Variants in HS3ST2 observed in about 807,000 individuals in gnomAD.
HS3ST2 encodes the protein heparan sulfate glucosamine 3-O-sulfotransferase 2.
Under a neutral mutation model 26.3 loss-of-function variants are expected in HS3ST2, and 17 were observed. The observed-to-expected ratio is 0.65, with a 90% CI of 0.44 to 0.97. The LOEUF is 0.97. Ranked by LOEUF, HS3ST2 falls within the 50% of genes least tolerant of loss-of-function variation. The pLI, the probability that HS3ST2 is intolerant of heterozygous loss-of-function variation, is 0.00. For synonymous variants in HS3ST2, 237 were observed against 219.2 expected (o/e 1.08, Z -0.72); for missense variants, 402 against 501.2 (o/e 0.80, Z 1.89).
intron 1 of HS3ST2, among the ~76,000 whole-genome samples, chr16:22,858,986 C>A (rs183668693): frequency 6.6e-6 from 1 of 152,000 alleles, no homozygotes; most frequent in African/African-American, 2.4e-5. Flanking sequence ...GACAACAGAG[C>A]GAGACCCTGT....
intron 1 of HS3ST2, among the ~76,000 whole-genome samples, chr16:22,889,852 G>A (rs1448760858): frequency 2.0e-5 from 3 of 152,200 alleles, no homozygotes; most frequent in African/African-American, 4.8e-5. Flanking sequence ...TGAGATGGGA[G>A]AGTTTGGGAA....
intron 1 of HS3ST2, among the ~76,000 whole-genome samples, chr16:22,883,632 C>T (rs1016161128): frequency 7.2e-5 from 11 of 152,154 alleles, no homozygotes; most frequent in African/African-American, 2.2e-4. Flanking sequence ...AAATATTACA[C>T]GATGGCTAAA....
intron 1 of HS3ST2, among the ~76,000 whole-genome samples, chr16:22,871,086 A>G (rs146368572): frequency 2.7e-4 from 41 of 152,288 alleles, no homozygotes; most frequent in African/African-American, 9.4e-4. Flanking sequence ...GGCCGGGCGC[A>G]GTGGCTCATG....
chr16:22,896,238 CCATCACT>C (rs918970822), intron 1 of HS3ST2, among the ~76,000 whole-genome samples: 37 of 152,326 alleles, frequency 2.4e-4, no homozygotes, highest in African/African-American at 7.7e-4. Context: ...CTTTTCCACA[CCATCACT>C]CAGAATGTTG....
At chr16:22,898,678 A>G (rs1357073200) in intron 1 of HS3ST2, among the ~76,000 whole-genome samples, 1 of 152,200 alleles carries the variant, frequency 6.6e-6, no homozygotes, top group African/African-American at 2.4e-5. Flanking sequence ...AAGCCTAGAA[A>G]AGAACTCACA....
In HS3ST2 at chr16:22,909,148, C is replaced by G. The variant is rs151214958; in HGVS notation, c.486-5796C>G. 9.2e-5 allele frequency among the ~76,000 whole-genome samples: 14 copies of G among 152,276 alleles called. No individual in the cohort carries two copies. In the East Asian group the frequency reaches 2.7e-3, roughly 29 times the overall value. The stretch of plus-strand genomic sequence containing the variant: ...TTGTAACACAATTGGTTCCTAATAG[C>G]CTAACTTTGGACATGCATCCCCACC... On this transcript the variant is annotated intron_variant, in intron 1 of 1. Transcript: ENST00000261374.
At chr16:22,839,129 C>T (rs1901315893) in intron 1 of HS3ST2, among the ~76,000 whole-genome samples, 1 of 152,194 alleles carries the variant, frequency 6.6e-6, no homozygotes, top group Non-Finnish European at 1.5e-5. Context: ...CAAAATAAAG[C>T]ATATCTCTGC....
chr16:22,886,055 A>G (rs1287966499), intron 1 of HS3ST2, among the ~76,000 whole-genome samples: 1 of 152,076 alleles, frequency 6.6e-6, no homozygotes. Context: ...CCGTTAACAC[A>G]CAGATTATCT....
intron 1 of HS3ST2, among the ~76,000 whole-genome samples, chr16:22,872,495 T>G (rs1227312469): frequency 6.6e-6 from 1 of 152,186 alleles, no homozygotes; most frequent in Non-Finnish European, 1.5e-5. Flanking sequence ...TATAGTTCTA[T>G]CTAGAAAAAT....
chr16:22,823,525 G>C (rs894673529), intron 1 of HS3ST2, among the ~76,000 whole-genome samples: 1 of 151,860 alleles, frequency 6.6e-6, no homozygotes, highest in Non-Finnish European at 1.5e-5. Context: ...TGGGTGCGGT[G>C]GTAATGCCAG....
At chr16:22,840,257 A>T (rs1901333207) in intron 1 of HS3ST2, among the ~76,000 whole-genome samples, 1 of 152,250 alleles carries the variant, frequency 6.6e-6, no homozygotes, top group Admixed American at 6.5e-5. Context: ...ACTTCTTAAG[A>T]TGAATTCGTG....
At chr16:22,880,948 C>T (rs367921942) in intron 1 of HS3ST2, among the ~76,000 whole-genome samples, 100 of 152,304 alleles carry the variant, frequency 6.6e-4, no homozygotes, top group African/African-American at 2.2e-3. Flanking sequence ...GCCCCAGGAA[C>T]GCTGTTAGAT....
At chr16:22,882,825 G>A (rs1323198231) in intron 1 of HS3ST2, among the ~76,000 whole-genome samples, 1 of 152,050 alleles carries the variant, frequency 6.6e-6, no homozygotes, top group African/African-American at 2.4e-5. Context: ...GAGGTCAAGA[G>A]ATTGAGACCA....
In HS3ST2 at chr16:22,814,515, C is replaced by A. The variant is rs2141170488; in HGVS notation, c.-96C>A. Reference sequence around the variant, plus strand: ...CGCCCGACCCGCGTGGCCGTGGCAGCGCCACGCGAGCCCTCTAGGCGACCG... The same window carrying A: ...CGCCCGACCCGCGTGGCCGTGGCAGAGCCACGCGAGCCCTCTAGGCGACCG... On this transcript the variant is annotated 5_prime_UTR_variant, in exon 1 of 2. Coordinates refer to ENST00000261374, the MANE Select transcript of HS3ST2 (RefSeq NM_006043.2). 2 of 1,342,482 alleles carry A rather than the reference C, an allele frequency of 1.5e-6. No individual in the cohort carries two copies. Among genetic ancestry groups the A allele is most frequent in the East Asian group, 5.8e-5 (2 of 34,606 alleles). The allele number at this position is 1,342,482 out of a possible 1,614,324, so 83.2% of individuals were successfully genotyped here. A position where few individuals can be genotyped will look rare whatever the true frequency, so the allele number is the denominator to read the frequency against.
At chr16:22,861,014 AGGCAAG>A (rs1901665748) in intron 1 of HS3ST2, among the ~76,000 whole-genome samples, 1 of 151,900 alleles carries the variant, frequency 6.6e-6, no homozygotes, top group South Asian at 2.1e-4. Context: ...CCAGGACTAC[AGGCAAG>A]CACCCACCAC....
At chr16:22,858,387 G>A (rs1302365366) in intron 1 of HS3ST2, among the ~76,000 whole-genome samples, 2 of 151,212 alleles carry the variant, frequency 1.3e-5, no homozygotes, top group Non-Finnish European at 2.9e-5. Flanking sequence ...CAAAAAAGAT[G>A]TACAAGCATG....
chr16:22,841,873 G>C (rs1003076402), intron 1 of HS3ST2, among the ~76,000 whole-genome samples: 2 of 151,966 alleles, frequency 1.3e-5, no homozygotes, highest in Non-Finnish European at 2.9e-5. Flanking sequence ...ATTTAGCTCA[G>C]TATGGAATTC....
chr16:22,869,448 T>C lies in HS3ST2; in HGVS notation c.486-45496T>C, dbSNP rs139067498. Among the ~76,000 whole-genome samples, 473 of 152,322 alleles carry C rather than the reference T, an allele frequency of 3.1e-3. 1 individual carries two copies. Among genetic ancestry groups the C allele is most frequent in the Admixed American group, 5.2e-3 (79 of 15,302 alleles). On this transcript the variant is annotated intron_variant, in intron 1 of 1. Transcript: ENST00000261374. ...TGTTAAAAACTGTGTTAGTCTGTTTTAATGCTGCTGATAAAGACATTCCCA... is the reference window on the plus strand; with the variant it reads ...TGTTAAAAACTGTGTTAGTCTGTTTCAATGCTGCTGATAAAGACATTCCCA...
intron 1 of HS3ST2, among the ~76,000 whole-genome samples, chr16:22,887,582 T>C (rs538305933): frequency 1.3e-5 from 2 of 152,140 alleles, no homozygotes; most frequent in African/African-American, 4.8e-5. Flanking sequence ...TATAGCACCC[T>C]CCAAACTATT....
Sources: allele counts gnomAD v4.1 joint callset (sites outside exome capture counted in the v4.1 genomes callset), GRCh38; gene constraint gnomAD v4.1.1; transcripts MANE v1.5; gene names NCBI Gene and HGNC (gene_info 2026-07-23, HGNC 2026-07-21).